The following KALRN variants were observed in gnomAD, a reference collection of about 807,000 sequenced individuals.
KALRN encodes the protein kalirin.
In KALRN, 70 loss-of-function variants were observed where a neutral mutation model predicts 353.7. The observed-to-expected ratio is 0.20, with a 90% CI of 0.16 to 0.24. The LOEUF is 0.24. Among genes scored for constraint, KALRN ranks in the 10% least tolerant of loss-of-function variants. The probability of loss-of-function intolerance (pLI) is 1.00; values close to 1 mark genes in which losing one functional copy is unlikely to be tolerated. For synonymous variants in KALRN, 1,391 were observed against 1,434.8 expected (o/e 0.97, Z 0.69); for missense variants, 2,791 against 3,756.7 (o/e 0.74, Z 6.72).
At chr3:124,584,752 C>A in intron 34 of KALRN, 1 of 1,534,398 alleles carries the variant, frequency 6.5e-7, no homozygotes, top group Non-Finnish European at 8.8e-7. Flanking sequence ...GCTGAAGTTT[C>A]CTTCCCGCCG....
chr3:124,257,545 C>T (rs1438096374), intron 3 of KALRN, among the ~76,000 whole-genome samples: 1 of 152,230 alleles, frequency 6.6e-6, no homozygotes, highest in Non-Finnish European at 1.5e-5. Flanking sequence ...ATCAATCATC[C>T]AGTCATTTGG....
At chr3:124,557,812 T>C (rs1315542655) in intron 33 of KALRN, among the ~76,000 whole-genome samples, 1 of 152,144 alleles carries the variant, frequency 6.6e-6, no homozygotes, top group African/African-American at 2.4e-5. Flanking sequence ...GAGTATCAGA[T>C]CCAAGTGCTC....
At chr3:124,072,393 C>A (rs1220749154) in intron 1 of KALRN, among the ~76,000 whole-genome samples, 3 of 152,196 alleles carry the variant, frequency 2.0e-5, no homozygotes, top group Admixed American at 6.5e-5. Context: ...CAGATATCTG[C>A]AGTTTTACCT....
At chr3:124,118,528 C>T (rs1002609719) in intron 1 of KALRN, among the ~76,000 whole-genome samples, 1 of 152,144 alleles carries the variant, frequency 6.6e-6, no homozygotes, top group African/African-American at 2.4e-5. Context: ...TTGCAGGAGA[C>T]ACTTCCATGC....
At chr3:124,075,996 CTA>C (rs2060241735) in intron 1 of KALRN, among the ~76,000 whole-genome samples, 1 of 152,208 alleles carries the variant, frequency 6.6e-6, no homozygotes, top group East Asian at 1.9e-4. Flanking sequence ...TGCGTGTGGC[CTA>C]TGTGCAGGCT....
At chr3:124,359,111 T>C (rs1318659461) in intron 10 of KALRN, among the ~76,000 whole-genome samples, 1 of 152,226 alleles carries the variant, frequency 6.6e-6, no homozygotes, top group East Asian at 1.9e-4. Flanking sequence ...CAGACTATCA[T>C]GAAGGGTCAC....
intron 14 of KALRN, among the ~76,000 whole-genome samples, chr3:124,420,304 C>T (rs2092720076): frequency 6.6e-6 from 1 of 152,152 alleles, no homozygotes; most frequent in Admixed American, 6.5e-5. Flanking sequence ...ATGAGGCTCA[C>T]AAAGAAAGAC....
At chr3:124,385,929 T>C (rs1006720129) in intron 11 of KALRN, among the ~76,000 whole-genome samples, 1 of 152,042 alleles carries the variant, frequency 6.6e-6, no homozygotes, top group Admixed American at 6.5e-5. Flanking sequence ...TAATAGAGTA[T>C]TAATTAAAGT....
At chr3:124,174,848 G>A (rs1476698137) in intron 1 of KALRN, among the ~76,000 whole-genome samples, 1 of 152,214 alleles carries the variant, frequency 6.6e-6, no homozygotes, top group East Asian at 1.9e-4. Flanking sequence ...ATAATCCTTG[G>A]CAGGAGAAGA....
At chr3:124,519,767 G>A in intron 33 of KALRN, 6 of 985,390 alleles carry the variant, frequency 6.1e-6, no homozygotes, top group Non-Finnish European at 7.2e-6. Flanking sequence ...TTTAACACGG[G>A]CATTTGCATG....
Position 124,434,335 on chromosome 3 carries a change from A to G in KALRN, c.2858A>G (p.Lys953Arg). Residue 953 changes from lysine to arginine, a missense_variant, in exon 17 of 60, where the codon AAG (lysine) becomes AGG (arginine). Around this residue, in one of 11 missense-constraint regions of KALRN, gnomAD observed 452 missense variants for 575.8 expected, o/e 0.78. Transcript: ENST00000682506. ...ESLFHATSLQ[K>R]THQSALQVQQ... ...CTCTTTCATGCCACTTCCTTGCAGA[A>G]GACGCACCAGAGTGCCCTGCAGGTA... is the stretch of plus-strand genomic sequence containing the variant. 1 of 1,613,168 alleles carries G rather than the reference A, an allele frequency of 6.2e-7. No individual in the cohort carries two copies. Among genetic ancestry groups the G allele is most frequent in the Non-Finnish European group, 8.5e-7 (1 of 1,180,004 alleles).
At chr3:124,494,532 G>A (rs2063510394) in intron 32 of KALRN, among the ~76,000 whole-genome samples, 1 of 152,192 alleles carries the variant, frequency 6.6e-6, no homozygotes, top group Non-Finnish European at 1.5e-5. Context: ...GTTTTGAAAT[G>A]CGTCACATAA....
chr3:124,406,901 G>T (rs2091613731), intron 13 of KALRN, among the ~76,000 whole-genome samples: 1 of 142,226 alleles, frequency 7.0e-6, no homozygotes, highest in African/African-American at 2.6e-5. Context: ...GCATGATCTC[G>T]GCTCACTGCT....
chr3:124,533,627 G>A (rs1473359121), intron 33 of KALRN, among the ~76,000 whole-genome samples: 2 of 152,102 alleles, frequency 1.3e-5, no homozygotes, highest in Non-Finnish European at 2.9e-5. Flanking sequence ...CCCGGGTGAT[G>A]GGAGAAGTGA....
At chr3:124,350,942 T>G (rs1031915847) in intron 10 of KALRN, among the ~76,000 whole-genome samples, 1 of 152,166 alleles carries the variant, frequency 6.6e-6, no homozygotes, top group Non-Finnish European at 1.5e-5. Flanking sequence ...TAATCCTGCC[T>G]TATTCCTTCA....
At chr3:124,705,806 T>C (rs1446150162) in intron 57 of KALRN, among the ~76,000 whole-genome samples, 1 of 146,934 alleles carries the variant, frequency 6.8e-6, no homozygotes, top group Non-Finnish European at 1.5e-5. Context: ...GTCCCTCCCT[T>C]CCTTCCTTCC....
intron 18 of KALRN, among the ~76,000 whole-genome samples, chr3:124,441,196 C>A (rs1280997610): frequency 6.6e-6 from 1 of 152,158 alleles, no homozygotes; most frequent in African/African-American, 2.4e-5. Flanking sequence ...AATTTACTTG[C>A]TCAAGTCTAA....
intron 51 of KALRN, among the ~76,000 whole-genome samples, chr3:124,681,837 C>T (rs925309756): frequency 3.3e-5 from 5 of 151,878 alleles, no homozygotes; most frequent in Non-Finnish European, 7.4e-5. Context: ...ACCACATGGC[C>T]GAGGCTTGTA....
intron 13 of KALRN, among the ~76,000 whole-genome samples, chr3:124,405,675 G>A (rs1023065875): frequency 1.5e-4 from 18 of 120,534 alleles, no homozygotes; most frequent in South Asian, 7.7e-4. Flanking sequence ...ACGGAGTCTC[G>A]CTCTGTCAGC....
Sources: allele counts gnomAD v4.1 joint callset (sites outside exome capture counted in the v4.1 genomes callset), GRCh38; gene constraint gnomAD v4.1.1; regional missense constraint gnomAD v4.1.1; transcripts MANE v1.5; gene names NCBI Gene and HGNC (gene_info 2026-07-23, HGNC 2026-07-21).